ZNF609: variants seen among roughly 807,000 people sequenced by gnomAD.
ZNF609 encodes zinc finger protein 609.
ZNF609 carries 11 observed loss-of-function variants against 109.5 expected under a neutral mutation model. That is an observed-to-expected ratio of 0.10 (90% CI 0.06 to 0.17). ZNF609 has a LOEUF of 0.17. ZNF609 is among the 10% of genes least tolerant of loss of function. ZNF609 has a pLI of 1.00. For missense variants in ZNF609, 1,559 were observed against 1,772.4 expected (o/e 0.88, Z 2.16); for synonymous variants, 646 against 662.0 (o/e 0.98, Z 0.37).
chr15:64,595,547 C>T (rs1359500293), intron 2 of ZNF609, among the ~76,000 whole-genome samples: 8 of 151,960 alleles, frequency 5.3e-5, no homozygotes, highest in Non-Finnish European at 1.0e-4. Flanking sequence ...TACACGAGAG[C>T]CACTAAATTC....
chr15:64,608,761 C>T (rs911274168), intron 2 of ZNF609, among the ~76,000 whole-genome samples: 5 of 149,414 alleles, frequency 3.3e-5, no homozygotes, highest in African/African-American at 1.2e-4. Flanking sequence ...TTTTTTGATA[C>T]AGCATCTCAC....
chr15:64,464,348 A>G (rs1480295161), intron 1 of ZNF609, among the ~76,000 whole-genome samples: 3 of 152,078 alleles, frequency 2.0e-5, no homozygotes, highest in Non-Finnish European at 2.9e-5. Context: ...AGAAGTTCCC[A>G]CTCTGCTTCC....
chr15:64,528,984 G>A lies in ZNF609; in HGVS notation c.747+28818G>A. 3.3e-6 allele frequency: 5 copies of A among 1,508,630 alleles called. No individual in the cohort carries two copies. The South Asian group carries it at 5.8e-5, about 17-fold the overall frequency. 93.5% of individuals were successfully genotyped at this position (1,508,630 alleles called of 1,614,324 possible). ...TGGCAGTGGGGACATGGAAGGCCATGCCAGTGAGCTTCCCGTTCAGCTCAG... is the reference window on the plus strand; with the variant it reads ...TGGCAGTGGGGACATGGAAGGCCATACCAGTGAGCTTCCCGTTCAGCTCAG... On this transcript the variant is annotated intron_variant, in intron 2 of 9. Transcript: ENST00000326648.
At chr15:64,565,347 C>G (rs1165647983) in intron 2 of ZNF609, among the ~76,000 whole-genome samples, 1 of 151,598 alleles carries the variant, frequency 6.6e-6, no homozygotes, top group Non-Finnish European at 1.5e-5. Context: ...TCCCAAAGTG[C>G]TGGGATTATA....
intron 1 of ZNF609, among the ~76,000 whole-genome samples, chr15:64,478,925 T>C (rs1209410699): frequency 8.5e-5 from 13 of 152,214 alleles, no homozygotes; most frequent in Admixed American, 8.5e-4. Flanking sequence ...ATGTTGTTGT[T>C]TTCTTTAGTG....
intron 3 of ZNF609, among the ~76,000 whole-genome samples, chr15:64,634,799 A>C (rs952464392): frequency 6.6e-6 from 1 of 152,098 alleles, no homozygotes; most frequent in Non-Finnish European, 1.5e-5. Context: ...TGACACCACA[A>C]ATCTTCATAG....
At position 64,683,230 on chromosome 15, in the gene ZNF609, A is replaced by G. The variant is rs1244993846; in HGVS notation, c.*1544A>G. 1.3e-5 allele frequency: 2 copies of G among 152,596 alleles called. No homozygotes were observed. Among genetic ancestry groups the G allele is most frequent in the Non-Finnish European group, 2.9e-5 (2 of 68,028 alleles). The allele number at this position is 152,596 out of a possible 1,614,324, so 9.5% of individuals were successfully genotyped here. A position where few individuals can be genotyped will look rare whatever the true frequency, so the allele number is the denominator to read the frequency against. On this transcript the variant is annotated 3_prime_UTR_variant, in exon 10 of 10. Transcript: ENST00000326648. ...GAGAGAGAGAGATAAAGACTGACAGACACCAGTGTAGGCTGGAAAAGGGAG... is the reference window on the plus strand; with the variant it reads ...GAGAGAGAGAGATAAAGACTGACAGGCACCAGTGTAGGCTGGAAAAGGGAG...
chr15:64,556,932 T>C (rs1196396714), intron 2 of ZNF609, among the ~76,000 whole-genome samples: 1 of 152,176 alleles, frequency 6.6e-6, no homozygotes, highest in Non-Finnish European at 1.5e-5. Context: ...CAATGAACTT[T>C]TCAACATTAA....
chr15:64,539,481 A>T (rs2140379102), intron 2 of ZNF609, among the ~76,000 whole-genome samples: 1 of 150,374 alleles, frequency 6.7e-6, no homozygotes, highest in East Asian at 2.0e-4. Flanking sequence ...TGCTGGGATT[A>T]CAGGCGTGAG....
chr15:64,634,007 T>C (rs1371223925), intron 3 of ZNF609, among the ~76,000 whole-genome samples: 1 of 152,182 alleles, frequency 6.6e-6, no homozygotes, highest in Non-Finnish European at 1.5e-5. Context: ...ATATGTTAAC[T>C]AGTGGCTTAT....
chr15:64,554,491 C>A (rs918859205), intron 2 of ZNF609, among the ~76,000 whole-genome samples: 5 of 151,476 alleles, frequency 3.3e-5, no homozygotes, highest in African/African-American at 1.2e-4. Context: ...CAAAACAAAA[C>A]AAAACCACAA....
intron 2 of ZNF609, among the ~76,000 whole-genome samples, chr15:64,535,363 T>C (rs1232682443): frequency 3.9e-5 from 6 of 152,212 alleles, no homozygotes; most frequent in Non-Finnish European, 8.8e-5. Flanking sequence ...ATAAATTGAA[T>C]CGTACCATAT....
At chr15:64,481,967 C>T (rs934037009) in intron 1 of ZNF609, among the ~76,000 whole-genome samples, 16 of 151,486 alleles carry the variant, frequency 1.1e-4, no homozygotes, top group Non-Finnish European at 1.8e-4. Flanking sequence ...ATATTTTTAG[C>T]AGAGATGGGG....
intron 1 of ZNF609, among the ~76,000 whole-genome samples, chr15:64,482,526 G>A (rs1338679698): frequency 6.6e-6 from 1 of 152,124 alleles, no homozygotes; most frequent in Non-Finnish European, 1.5e-5. Context: ...AAGTGGCATG[G>A]TTACTATACT....
At chr15:64,649,680 G>A (rs1470153206) in intron 3 of ZNF609, among the ~76,000 whole-genome samples, 2 of 152,076 alleles carry the variant, frequency 1.3e-5, no homozygotes, top group African/African-American at 4.8e-5. Context: ...GTGTATAGAC[G>A]ATGTTATCTC....
chr15:64,602,523 C>T (rs754455692), intron 2 of ZNF609, among the ~76,000 whole-genome samples: 10 of 151,986 alleles, frequency 6.6e-5, no homozygotes, highest in Non-Finnish European at 1.0e-4. Flanking sequence ...TTGCTTTTAT[C>T]GTTATGATGA....
chr15:64,597,148 CCT>C (rs1382245417), intron 2 of ZNF609, among the ~76,000 whole-genome samples: 1 of 152,076 alleles, frequency 6.6e-6, no homozygotes, highest in Admixed American at 6.6e-5. Context: ...CCACCAGAAA[CCT>C]CTTTCAGGAC....
chr15:64,528,104 CT>C lies in ZNF609; in HGVS notation c.747+27949del, dbSNP rs745359629. On this transcript the variant is annotated intron_variant, in intron 2 of 9. Transcript: ENST00000326648. Reference sequence around the variant, plus strand: ...CAGGCTTGAGTTTGAATCCTGGCTCCTTTTTTTTTTTGAGTTGGAGTCTCGC... The same window carrying C: ...CAGGCTTGAGTTTGAATCCTGGCTCCTTTTTTTTTTGAGTTGGAGTCTCGC... 4.8e-3 allele frequency among the ~76,000 whole-genome samples: 693 copies of C among 144,506 alleles called. 5 individuals are homozygous for C. The highest frequency in any genetic ancestry group is 0.014 in the African/African-American group (561 of 39,822). The allele number at this position is 144,506 out of a possible 152,430, so 94.8% of individuals were successfully genotyped here.
chr15:64,491,571 G>T (rs772506530), intron 1 of ZNF609, among the ~76,000 whole-genome samples: 1 of 152,152 alleles, frequency 6.6e-6, no homozygotes, highest in Non-Finnish European at 1.5e-5. Flanking sequence ...GAGTTTTGCC[G>T]GGTGTGGTGG....
Sources: allele counts gnomAD v4.1 joint callset (sites outside exome capture counted in the v4.1 genomes callset), GRCh38; gene constraint gnomAD v4.1.1; transcripts MANE v1.5; gene names NCBI Gene and HGNC (gene_info 2026-07-23, HGNC 2026-07-21).